RIMS1: variants seen among roughly 807,000 people sequenced by gnomAD.
The protein encoded by RIMS1 is regulating synaptic membrane exocytosis 1, also known as regulating synaptic membrane exocytosis protein 1.
Under a neutral mutation model 214.1 loss-of-function variants are expected in RIMS1, and 83 were observed. The ratio of observed to expected loss-of-function variants is 0.39; its 90% confidence interval spans 0.32 to 0.47. The LOEUF (loss-of-function observed/expected upper bound fraction) is 0.47. Ranked by LOEUF, RIMS1 falls within the 20% of genes least tolerant of loss-of-function variation. RIMS1 has a pLI of 0.99. For missense variants in RIMS1, 2,050 were observed against 2,161.8 expected (o/e 0.95, Z 1.03); for synonymous variants, 793 against 786.8 (o/e 1.01, Z -0.13).
At chr6:72,386,650 C>G (rs1441542709) in intron 29 of RIMS1, among the ~76,000 whole-genome samples, 3 of 151,978 alleles carry the variant, frequency 2.0e-5, no homozygotes, top group East Asian at 3.9e-4. Flanking sequence ...AATTCCCGCT[C>G]TACCTCATCA....
At chr6:72,282,801 A>G (rs1230022985) in intron 23 of RIMS1, among the ~76,000 whole-genome samples, 3 of 151,974 alleles carry the variant, frequency 2.0e-5, no homozygotes, top group African/African-American at 7.3e-5. Flanking sequence ...CTCTTTTCCA[A>G]CTGGTAAGGG....
chr6:72,329,640 G>C (rs1196429665), intron 28 of RIMS1, among the ~76,000 whole-genome samples: 1 of 150,230 alleles, frequency 6.7e-6, no homozygotes, highest in East Asian at 2.2e-4. Flanking sequence ...TCTGTAGAGA[G>C]TCAAATGACC....
intron 1 of RIMS1, among the ~76,000 whole-genome samples, chr6:71,957,751 A>G (rs533388231): frequency 6.6e-6 from 1 of 150,770 alleles, no homozygotes; most frequent in South Asian, 2.1e-4. Context: ...AAAGTATAAT[A>G]AACTAAATTT....
Position 72,258,179 on chromosome 6 carries a change from A to T in RIMS1, c.2825A>T (p.Glu942Val). The T allele has an allele frequency of 6.2e-7, 1 of 1,613,332 alleles. No individual in the cohort carries two copies. The highest frequency in any genetic ancestry group is 8.5e-7 in the Non-Finnish European group (1 of 1,179,528). Residue 942 changes from glutamate to valine, a missense_variant, in exon 17 of 34, where the codon GAA (glutamate) becomes GTA (valine). By Grantham distance (121) the Glu-to-Val change is moderately radical (BLOSUM62 -2). Around this residue, in one of 6 missense-constraint regions of RIMS1, gnomAD observed 889 missense variants for 885.5 expected, o/e 1.00. Transcript: ENST00000521978. ...ESKSTTLTVP[E>V]QQRTTHHRSR... ...AAATCTACAACATTAACTGTGCCAG[A>T]ACAGCAAAGAACAACTCATCACCGC...
intron 6 of RIMS1, among the ~76,000 whole-genome samples, chr6:72,202,954 A>G (rs1169704306): frequency 2.0e-5 from 3 of 152,178 alleles, no homozygotes; most frequent in African/African-American, 2.4e-5. Flanking sequence ...TACCTGATAC[A>G]TAGCAAGTAC....
chr6:72,115,419 C>T (rs1218762984), intron 4 of RIMS1, among the ~76,000 whole-genome samples: 1 of 151,904 alleles, frequency 6.6e-6, no homozygotes, highest in African/African-American at 2.4e-5. Context: ...ATTTACAAAG[C>T]GATTAAATTT....
intron 2 of RIMS1, among the ~76,000 whole-genome samples, chr6:71,996,189 T>C (rs1803365573): frequency 6.6e-6 from 1 of 152,182 alleles, no homozygotes; most frequent in African/African-American, 2.4e-5. Context: ...ACGCAAGAGG[T>C]TCGGACTTCA....
chr6:72,323,826 A>G (rs1182550182), intron 28 of RIMS1, among the ~76,000 whole-genome samples: 15 of 151,988 alleles, frequency 9.9e-5, no homozygotes, highest in Non-Finnish European at 2.2e-4. Context: ...TCTCAGGGGA[A>G]AAAAGAGATA....
At chr6:72,306,723 C>CA (rs2095205559) in intron 26 of RIMS1, among the ~76,000 whole-genome samples, 1 of 152,128 alleles carries the variant, frequency 6.6e-6, no homozygotes, top group South Asian at 2.1e-4. Flanking sequence ...GGGAAATAGT[C>CA]ATGAGAAGCC....
intron 1 of RIMS1, among the ~76,000 whole-genome samples, chr6:71,888,331 C>T (rs1458801503): frequency 6.6e-6 from 1 of 152,162 alleles, no homozygotes; most frequent in Non-Finnish European, 1.5e-5. Flanking sequence ...TCCTTGGTGT[C>T]CCCTGCTTAG....
At chr6:71,903,433 A>G (rs995850415) in intron 1 of RIMS1, among the ~76,000 whole-genome samples, 7 of 152,190 alleles carry the variant, frequency 4.6e-5, no homozygotes, top group Non-Finnish European at 1.5e-5. Context: ...CATTCAGGAT[A>G]CAGGCATAGG....
intron 4 of RIMS1, among the ~76,000 whole-genome samples, chr6:72,112,101 T>C (rs1375667941): frequency 6.6e-6 from 1 of 152,136 alleles, no homozygotes; most frequent in Non-Finnish European, 1.5e-5. Context: ...AGCAAATGAC[T>C]AACACATTAT....
chr6:72,040,289 TAC>T (rs1308242982), intron 2 of RIMS1, among the ~76,000 whole-genome samples: 3 of 152,022 alleles, frequency 2.0e-5, no homozygotes, highest in Non-Finnish European at 4.4e-5. Context: ...GGTGTCCAGT[TAC>T]AGTTTTCAGC....
At chr6:72,173,013 T>G (rs1023982533) in intron 4 of RIMS1, among the ~76,000 whole-genome samples, 2 of 152,198 alleles carry the variant, frequency 1.3e-5, no homozygotes, top group Non-Finnish European at 2.9e-5. Flanking sequence ...TTTGTTTTGC[T>G]AACAAGGATA....
intron 1 of RIMS1, among the ~76,000 whole-genome samples, chr6:71,889,362 A>G (rs1221523494): frequency 3.3e-5 from 5 of 152,366 alleles, no homozygotes; most frequent in East Asian, 1.9e-4. Flanking sequence ...GCACTGTCCA[A>G]CTGCTCATGT....
At chr6:72,257,278 A>G (rs949054085) in intron 16 of RIMS1, among the ~76,000 whole-genome samples, 2 of 151,874 alleles carry the variant, frequency 1.3e-5, no homozygotes, top group Non-Finnish European at 2.9e-5. Flanking sequence ...AAAAAATTTT[A>G]AACTCTAAAC....
Position 72,182,453 on chromosome 6 carries a change from C to G in RIMS1, c.982C>G (p.Pro328Ala), listed in dbSNP as rs1242175557. ...TGAGAAAGGGCGATCACAGGATTAC[C>G]CAGACACGCCGGAAAAACGGGATGA... ...RLEKGRSQDY[P>A]DTPEKRDEGK... Residue 328 changes from proline to alanine, a missense_variant, in exon 6 of 34, where the codon CCA becomes GCA. Around this residue, in one of 6 missense-constraint regions of RIMS1, gnomAD observed 882 missense variants for 828.9 expected, o/e 1.06. Coordinates refer to ENST00000521978, the MANE Select transcript of RIMS1 (RefSeq NM_014989.7). 1 of 1,613,720 alleles carries G rather than the reference C, an allele frequency of 6.2e-7. No homozygotes were observed. Among genetic ancestry groups the G allele is most frequent in the South Asian group, 1.1e-5 (1 of 91,048 alleles).
chr6:72,132,834 GCTCT>G (rs1346935901), intron 4 of RIMS1, among the ~76,000 whole-genome samples: 11 of 152,126 alleles, frequency 7.2e-5, no homozygotes, highest in African/African-American at 2.4e-4. Context: ...CCAAAACTCA[GCTCT>G]CTATCAACTT....
At chr6:72,182,191 T>G in intron 5 of RIMS1, 93 bp from the exon 6 acceptor site, 2 of 1,344,626 alleles carry the variant, frequency 1.5e-6, no homozygotes, top group Non-Finnish European at 2.0e-6. Context: ...TTATTGTAAC[T>G]GAAATGATTT....
Sources: allele counts gnomAD v4.1 joint callset (sites outside exome capture counted in the v4.1 genomes callset), GRCh38; gene constraint gnomAD v4.1.1; regional missense constraint gnomAD v4.1.1; transcripts MANE v1.5; gene names NCBI Gene and HGNC (gene_info 2026-07-23, HGNC 2026-07-21).